HNF4G: variants seen among roughly 807,000 people sequenced by gnomAD.
HNF4G encodes hepatocyte nuclear factor 4-gamma.
In HNF4G, 21 loss-of-function variants were observed where a neutral mutation model predicts 50.9. That is an observed-to-expected ratio of 0.41 (90% CI 0.29 to 0.59). The LOEUF (loss-of-function observed/expected upper bound fraction) is 0.59, where lower values mean the gene tolerates loss of function less well. Ranked by LOEUF, HNF4G falls within the 20% of genes least tolerant of loss-of-function variation. HNF4G has a pLI of 0.26. For missense variants in HNF4G, 527 were observed against 559.4 expected, an observed-to-expected ratio of 0.94 and a Z score of 0.58; for synonymous variants, 198 against 185.6, an observed-to-expected ratio of 1.07 and a Z score of -0.54.
chr8:75,534,034 T>G (rs1335513815), intron 2 of HNF4G, among the ~76,000 whole-genome samples: 1 of 151,900 alleles, frequency 6.6e-6, no homozygotes, highest in Non-Finnish European at 1.5e-5. Flanking sequence ...CTATTTTTCT[T>G]AAACATTATA....
At chr8:75,409,380 T>G (rs997585724) in intron 1 of HNF4G, among the ~76,000 whole-genome samples, 1 of 151,608 alleles carries the variant, frequency 6.6e-6, no homozygotes, top group African/African-American at 2.4e-5. Context: ...ATCACGGTTA[T>G]AGGCATATGG....
At chr8:75,538,760 A>C (rs926176118), upstream of HNF4G, among the ~76,000 whole-genome samples, 28 of 152,212 alleles carry the variant, frequency 1.8e-4, no homozygotes, top group Non-Finnish European at 3.8e-4. Flanking sequence ...TGTTTGATTT[A>C]GTGAATCTGG....
rs111406028 is a variant in HNF4G at position 75,497,200 on chromosome 8, C to T, written c.-24+6992C>T. Among the ~76,000 whole-genome samples the T allele has an allele frequency of 1.3e-3, 205 of 151,978 alleles. 1 individual carries two copies. Among genetic ancestry groups the T allele is most frequent in the Non-Finnish European group, 2.4e-3 (165 of 67,978 alleles). Reference sequence around the variant, plus strand: ...GGCAGAAAAGGTGGGTGTTTGTGTTCGTGTTTGTGTTTTTGGGTCATTAAA... The same window carrying T: ...GGCAGAAAAGGTGGGTGTTTGTGTTTGTGTTTGTGTTTTTGGGTCATTAAA... On this transcript the variant is annotated intron_variant, in intron 2 of 10. Transcript: ENST00000354370.
intron 2 of HNF4G, among the ~76,000 whole-genome samples, chr8:75,506,112 G>A (rs1813072750): frequency 6.6e-6 from 1 of 151,886 alleles, no homozygotes; most frequent in Non-Finnish European, 1.5e-5. Context: ...GCATATATTA[G>A]AGAGAATTAT....
At chr8:75,559,283 T>G (rs148869812) in intron 8 of HNF4G, among the ~76,000 whole-genome samples, 2 of 132,388 alleles carry the variant, frequency 1.5e-5, no homozygotes, top group South Asian at 2.4e-4. Flanking sequence ...GTTTGTTTTT[T>G]TTTTTTTTTA....
chr8:75,506,173 G>C (rs1182803306), intron 2 of HNF4G, among the ~76,000 whole-genome samples: 1 of 151,738 alleles, frequency 6.6e-6, no homozygotes, highest in Non-Finnish European at 1.5e-5. Flanking sequence ...TTAGAAACTA[G>C]GTAGTATAAA....
At chr8:75,487,324 A>T (rs1812521845) in intron 1 of HNF4G, among the ~76,000 whole-genome samples, 1 of 152,082 alleles carries the variant, frequency 6.6e-6, no homozygotes, top group African/African-American at 2.4e-5. Context: ...CATGTTTAAG[A>T]ATTTCGGGAT....
upstream of HNF4G, among the ~76,000 whole-genome samples, chr8:75,537,922 G>T: frequency 6.6e-6 from 1 of 152,108 alleles, no homozygotes; most frequent in East Asian, 1.9e-4. Flanking sequence ...TGCTTAATCA[G>T]TTGGGTAAAT....
chr8:75,448,993 C>T (rs1244973713), intron 1 of HNF4G, among the ~76,000 whole-genome samples: 3 of 152,064 alleles, frequency 2.0e-5, no homozygotes, highest in African/African-American at 4.8e-5. Flanking sequence ...AGCATAATTT[C>T]ACAAAAACTG....
intron 1 of HNF4G, among the ~76,000 whole-genome samples, chr8:75,466,667 T>TCCCTTCCC (rs1811995685): frequency 7.4e-6 from 1 of 135,004 alleles, no homozygotes; most frequent in East Asian, 2.4e-4. Context: ...TCCCTTCCCT[T>TCCCTTCCC]CCCTTCCCTT....
At chr8:75,442,273 G>A (rs1348182621) in intron 1 of HNF4G, among the ~76,000 whole-genome samples, 2 of 151,832 alleles carry the variant, frequency 1.3e-5, no homozygotes, top group Non-Finnish European at 2.9e-5. Flanking sequence ...TTATAGCCTG[G>A]GTATCGGGTA....
In HNF4G at chr8:75,416,711, G is replaced by T. The variant is rs953340716; in HGVS notation, c.-144+8549G>T. On this transcript the variant is annotated intron_variant, in intron 1 of 10. Transcript: ENST00000354370. ...TGTACAGCATGTCTATGTAGACTTC[G>T]CATGGGACCTGCCATTTTCTCACAG... 2.0e-5 allele frequency among the ~76,000 whole-genome samples: 3 copies of T among 152,202 alleles called. No individual in the cohort carries two copies. In the East Asian group the frequency reaches 5.8e-4, roughly 29 times the overall value.
Position 75,449,632 on chromosome 8 carries a change from T to A in HNF4G, c.-143-40457T>A, listed in dbSNP as rs550525947. Among the ~76,000 whole-genome samples, 3 of 150,642 alleles carry A rather than the reference T, an allele frequency of 2.0e-5. 1 individual carries two copies. The highest frequency in any genetic ancestry group is 1.3e-4 in the Admixed American group (2 of 15,048). On this transcript the variant is annotated intron_variant, in intron 1 of 10. Transcript: ENST00000354370. ...CGCCATTCTCCTGCCTCAGCCTCCC[T>A]TGTAGCTGGGACTACAGGCTCCCGC...
intron 2 of HNF4G, among the ~76,000 whole-genome samples, chr8:75,532,425 G>A (rs1051980192): frequency 2.6e-5 from 4 of 151,816 alleles, no homozygotes; most frequent in Non-Finnish European, 5.9e-5. Flanking sequence ...TTAATACATC[G>A]CCATTTAGAA....
At chr8:75,519,610 A>C (rs1805986323) in intron 2 of HNF4G, among the ~76,000 whole-genome samples, 1 of 152,172 alleles carries the variant, frequency 6.6e-6, no homozygotes, top group South Asian at 2.1e-4. Context: ...ATTCACTATC[A>C]TGAGAACAGC....
At chr8:75,448,442 A>ATG (rs71271862) in intron 1 of HNF4G, among the ~76,000 whole-genome samples, 1 of 119,010 alleles carries the variant, frequency 8.4e-6, no homozygotes, top group Non-Finnish European at 1.7e-5. Flanking sequence ...AAAAAAAAAA[A>ATG]AAGTGTCAGA....
At chr8:75,507,979 G>A (rs1400447502) in intron 2 of HNF4G, among the ~76,000 whole-genome samples, 2 of 151,078 alleles carry the variant, frequency 1.3e-5, no homozygotes, top group African/African-American at 4.9e-5. Flanking sequence ...GGATTCCAAA[G>A]TTAATTTTCA....
rs186107501 is a variant in HNF4G, at chr8:75,420,286, T to C, written c.-144+12124T>C. ...CAACTGCTGTAAGTCTACGAACTGCTTTCTCCGTAACCACATTGCTCCCTT... is the reference window on the plus strand; with the variant it reads ...CAACTGCTGTAAGTCTACGAACTGCCTTCTCCGTAACCACATTGCTCCCTT... On this transcript the variant is annotated intron_variant, in intron 1 of 10. Coordinates refer to the HNF4G transcript ENST00000354370. Among the ~76,000 whole-genome samples, 235 of 152,366 alleles carry C rather than the reference T, an allele frequency of 1.5e-3. 1 individual carries two copies. The highest frequency in any genetic ancestry group is 2.5e-3 in the Non-Finnish European group (169 of 68,034).
intron 2 of HNF4G, among the ~76,000 whole-genome samples, chr8:75,499,864 C>A (rs569261048): frequency 2.0e-5 from 3 of 151,928 alleles, no homozygotes; most frequent in African/African-American, 7.2e-5. Flanking sequence ...TGAATGCCTA[C>A]GTGACATAAC....
Sources: allele counts gnomAD v4.1 joint callset (sites outside exome capture counted in the v4.1 genomes callset), GRCh38; gene constraint gnomAD v4.1.1; transcripts MANE v1.5; gene names NCBI Gene and HGNC (gene_info 2026-07-23, HGNC 2026-07-21).